The following PIK3CG variants were observed in gnomAD, a reference collection of about 807,000 sequenced individuals.
PIK3CG encodes phosphatidylinositol 4,5-bisphosphate 3-kinase catalytic subunit gamma isoform.
PIK3CG carries 55 observed loss-of-function variants against 102.3 expected under a neutral mutation model. The observed-to-expected ratio is 0.54, with a 90% CI of 0.43 to 0.67. The LOEUF is 0.67. Ranked by LOEUF, PIK3CG falls within the 30% of genes least tolerant of loss-of-function variation. The pLI is 0.00. For synonymous variants in PIK3CG, 552 were observed against 540.0 expected, an observed-to-expected ratio of 1.02 and a Z score of -0.31; for missense variants, 1,258 against 1,391.8, an observed-to-expected ratio of 0.90 and a Z score of 1.53.
chr7:106,877,739 A>T lies in PIK3CG; in HGVS notation c.2392-1780A>T, dbSNP rs1790799666. On this transcript the variant is annotated intron_variant, in intron 5 of 10. Coordinates refer to ENST00000496166, the MANE Select transcript of PIK3CG (RefSeq NM_001282426.2). The surrounding 1 kb of genome is among the most constrained non-coding windows in gnomAD (Gnocchi z 4.5). Reference sequence around the variant, plus strand: ...TCTCTGTTCTGTTCCACTGATCTAAATGTCTGTCCTTACATCAATACCACA... The same window carrying T: ...TCTCTGTTCTGTTCCACTGATCTAATTGTCTGTCCTTACATCAATACCACA... 6.6e-6 allele frequency among the ~76,000 whole-genome samples: 1 copy of T among 152,156 alleles called. No individual in the cohort carries two copies. Among genetic ancestry groups the T allele is most frequent in the African/African-American group, 2.4e-5 (1 of 41,430 alleles).
intron 10 of PIK3CG, among the ~76,000 whole-genome samples, chr7:106,887,662 T>C (rs1377856983): frequency 6.6e-6 from 1 of 152,174 alleles, no homozygotes; most frequent in Admixed American, 6.5e-5. Flanking sequence ...AGTTTCAGGC[T>C]ATTTCCAGGG....
At position 106,886,203 on chromosome 7, in the gene PIK3CG, G is replaced by T. The variant is rs746505564; in HGVS notation, c.2941G>T (p.Glu981Ter). ...NYKSFLGINK[E>*]RVPFVLTPDF... is the part of the protein sequence containing the mutation. ...CAAAAGTTTCCTGGGCATTAATAAA[G>T]AGAGAGTGCCATTTGTGCTAACCCC... The change falls in exon 10 of 11, where the codon GAG (glutamate) becomes TAG (stop). Residue 981 changes from glutamate to a stop codon, truncating the protein, a stop_gained. Transcript: ENST00000496166. LOFTEE classifies it high-confidence loss of function. 6.2e-7 allele frequency: 1 copy of T among 1,613,960 alleles called. No individual in the cohort carries two copies. Among genetic ancestry groups the T allele is most frequent in the East Asian group, 2.2e-5 (1 of 44,892 alleles).
At chr7:106,866,550 T>C (rs1417232960) in intron 1 of PIK3CG, among the ~76,000 whole-genome samples, 2 of 152,228 alleles carry the variant, frequency 1.3e-5, no homozygotes. Flanking sequence ...AGAAGGTCAC[T>C]GGAGTCCAGA....
At position 106,891,959 on chromosome 7, in the gene PIK3CG, C is replaced by T. The variant is rs1791276314; in HGVS notation, c.3030+5667C>T. On this transcript the variant is annotated intron_variant, in intron 10 of 10. Coordinates refer to ENST00000496166, the MANE Select transcript of PIK3CG (RefSeq NM_001282426.2). The surrounding 1 kb of genome is among the most constrained non-coding windows in gnomAD (Gnocchi z 4.4). Reference sequence around the variant, plus strand: ...TCCTGACTCAGGAGGTTTTTAAGAACCTTTATTCAACCAGAGTCCATCTCT... The same window carrying T: ...TCCTGACTCAGGAGGTTTTTAAGAATCTTTATTCAACCAGAGTCCATCTCT... 6.6e-6 allele frequency among the ~76,000 whole-genome samples: 1 copy of T among 151,992 alleles called. No homozygotes were observed. Among genetic ancestry groups the T allele is most frequent in the Non-Finnish European group, 1.5e-5 (1 of 68,012 alleles).
Position 106,869,690 on chromosome 7 carries a change from A to T in PIK3CG, c.1995+134A>T. 2.7e-6 allele frequency: 2 copies of T among 731,238 alleles called. No homozygotes were observed. Among genetic ancestry groups the T allele is most frequent in the South Asian group, 3.9e-5 (2 of 50,836 alleles). 45.3% of individuals were successfully genotyped at this position (731,238 alleles called of 1,614,324 possible). A position where few individuals can be genotyped will look rare whatever the true frequency, so the allele number is the denominator to read the frequency against. On this transcript the variant is annotated intron_variant, in intron 2 of 10. Coordinates refer to ENST00000496166, the MANE Select transcript of PIK3CG (RefSeq NM_001282426.2). The surrounding 1 kb of genome is among the most constrained non-coding windows in gnomAD (Gnocchi z 5.3). ...TCATCGGCAAAAGTAGATATGATGA[A>T]GCTGCCTCAAAAAGTAGTAAACTGT... is the stretch of plus-strand genomic sequence containing the variant.
intron 5 of PIK3CG, among the ~76,000 whole-genome samples, chr7:106,876,388 G>A (rs1040669514): frequency 1.3e-4 from 18 of 140,548 alleles, no homozygotes; most frequent in African/African-American, 4.5e-4. Context: ...TTTTAGGTGG[G>A]TTGCCTTCTT....
At position 106,883,277 on chromosome 7, in the gene PIK3CG, G is replaced by T; in HGVS notation, c.2760+114G>T. 9.0e-7 allele frequency: 1 copy of T among 1,114,354 alleles called. No homozygotes were observed. Among genetic ancestry groups the T allele is most frequent in the South Asian group, 1.4e-5 (1 of 69,522 alleles). 69.0% of individuals were successfully genotyped at this position (1,114,354 alleles called of 1,614,324 possible). ...CAGTGTCTTGCCTCCTGACATATTA[G>T]TGAAGTTTTTTACTTGTGAAATAAT... is the stretch of plus-strand genomic sequence containing the variant. On this transcript the variant is annotated intron_variant, in intron 8 of 10. Coordinates refer to ENST00000496166, the MANE Select transcript of PIK3CG (RefSeq NM_001282426.2). The surrounding 1 kb of genome is among the most constrained non-coding windows in gnomAD (Gnocchi z 5.8).
In PIK3CG at chr7:106,893,240, A is replaced by C. The variant is rs1791312199; in HGVS notation, c.3030+6948A>C. ...GGCCAGGCTCAGGCTCCCCTGTCTC[A>C]GTGTGAAGACTTTCAGTACTCACTA... is the stretch of plus-strand genomic sequence containing the variant. On this transcript the variant is annotated intron_variant, in intron 10 of 10. Coordinates refer to ENST00000496166, the MANE Select transcript of PIK3CG (RefSeq NM_001282426.2). The surrounding 1 kb of genome is among the most constrained non-coding windows in gnomAD (Gnocchi z 4.4). Among the ~76,000 whole-genome samples, 3 of 152,176 alleles carry C rather than the reference A, an allele frequency of 2.0e-5. No homozygotes were observed. The South Asian group carries it at 6.2e-4, about 31-fold the overall frequency.
chr7:106,867,834 G>A lies in PIK3CG; in HGVS notation c.273G>A (p.Leu91=), dbSNP rs1042926689. The change falls in exon 2 of 11, where the codon CTG becomes CTA. Residue 91 remains leucine, a synonymous_variant. Transcript: ENST00000496166. The surrounding 1 kb of genome is among the most constrained non-coding windows in gnomAD (Gnocchi z 5.1). ...TGGCGGCGGACTTCTACCACCGGCT[G>A]GGACCGCATCACTTCCTCCTGCTCT... is the stretch of plus-strand genomic sequence containing the variant. ...TSVAADFYHR[L]GPHHFLLLYQ... 1 of 1,612,450 alleles carries A rather than the reference G, an allele frequency of 6.2e-7. No homozygotes were observed. The highest frequency in any genetic ancestry group is 1.3e-5 in the African/African-American group (1 of 74,930).
At position 106,897,406 on chromosome 7, in the gene PIK3CG, G is replaced by A. The variant is rs890966232; in HGVS notation, c.3031-7703G>A. On this transcript the variant is annotated intron_variant, in intron 10 of 10. Coordinates refer to ENST00000496166, the MANE Select transcript of PIK3CG (RefSeq NM_001282426.2). This position sits in a 1 kb window ranked among gnomAD's most constrained non-coding sequence, Gnocchi z 4.6. ...CCCTTTCTTTTATTTTTGGCTGGGG[G>A]TACATGTGAAAGTTTGTTACATAGG... Among the ~76,000 whole-genome samples the A allele has an allele frequency of 2.6e-5, 4 of 152,254 alleles. No individual in the cohort carries two copies. The East Asian group carries it at 7.7e-4, about 29-fold the overall frequency.
Position 106,874,796 on chromosome 7 carries a change from C to T in PIK3CG, c.2384C>T (p.Ala795Val), listed in dbSNP as rs143259740. 176 of 1,608,180 alleles carry T rather than the reference C, an allele frequency of 1.1e-4. No individual in the cohort carries two copies. In the African/African-American group the frequency reaches 1.7e-3, roughly 16 times the overall value. The change falls in exon 5 of 11, where the codon GCG (alanine) becomes GTG (valine). Residue 795 changes from alanine to valine, a missense_variant. Around this residue, in one of 2 missense-constraint regions of PIK3CG, gnomAD observed 426 missense variants for 604.2 expected, o/e 0.71. Coordinates refer to ENST00000496166, the MANE Select transcript of PIK3CG (RefSeq NM_001282426.2). This position sits in a 1 kb window ranked among gnomAD's most constrained non-coding sequence, Gnocchi z 4.3. ...TATGATCCTGGACTGAAAGCAGGAG[C>T]GCTGGCAGTAGGTATCACTTGGATG... ...VPYDPGLKAG[A>V]LAIEKCKVMA... is the part of the protein sequence containing the mutation.
intron 10 of PIK3CG, among the ~76,000 whole-genome samples, chr7:106,887,933 C>CTTTTTTT (rs71156344): frequency 3.3e-5 from 2 of 60,602 alleles, no homozygotes; most frequent in African/African-American, 6.9e-5. Flanking sequence ...GACGACTCTC[C>CTTTTTTT]TTTTTTTTTT....
rs1242588889 is a variant in PIK3CG, at chr7:106,891,818, C to G, written c.3030+5526C>G. 6.6e-6 allele frequency among the ~76,000 whole-genome samples: 1 copy of G among 151,906 alleles called. No homozygotes were observed. Among genetic ancestry groups the G allele is most frequent in the African/African-American group, 2.4e-5 (1 of 41,358 alleles). On this transcript the variant is annotated intron_variant, in intron 10 of 10. Transcript: ENST00000496166. This position sits in a 1 kb window ranked among gnomAD's most constrained non-coding sequence, Gnocchi z 4.4. ...AATCTAGGATGACTGTGGAAATTTT[C>G]TTGCCAGTTTTATCAGGCCCACCCT... is the stretch of plus-strand genomic sequence containing the variant.
chr7:106,903,411 A>T lies in PIK3CG; in HGVS notation c.3031-1698A>T, dbSNP rs1791608968. Among the ~76,000 whole-genome samples, 1 of 151,994 alleles carries T rather than the reference A, an allele frequency of 6.6e-6. No homozygotes were observed. The highest frequency in any genetic ancestry group is 1.5e-5 in the Non-Finnish European group (1 of 67,970). On this transcript the variant is annotated intron_variant, in intron 10 of 10. Transcript: ENST00000496166. The surrounding 1 kb of genome is among the most constrained non-coding windows in gnomAD (Gnocchi z 4.3). ...ATCATTATAAGCAGTCTTGTCACTG[A>T]GGGATGTTCAAAAACTGACTCATTG...
chr7:106,868,059 C>T lies in PIK3CG; in HGVS notation c.498C>T (p.Ser166=), dbSNP rs372189490. The change falls in exon 2 of 11, where the codon AGC becomes AGT. Residue 166 remains serine (S), a synonymous_variant. Coordinates refer to ENST00000496166, the MANE Select transcript of PIK3CG (RefSeq NM_001282426.2). This position sits in a 1 kb window ranked among gnomAD's most constrained non-coding sequence, Gnocchi z 6.2. ...ALIGYDVTDV[S]NVHDDELEFT... is the part of the protein sequence containing the mutation. ...TTGGCTATGACGTCACTGACGTCAG[C>T]AACGTGCACGACGATGAGCTGGAGT... The T allele has an allele frequency of 3.7e-6, 6 of 1,612,818 alleles. No individual in the cohort carries two copies. Among genetic ancestry groups the T allele is most frequent in the African/African-American group, 1.3e-5 (1 of 75,042 alleles).
intron 10 of PIK3CG, among the ~76,000 whole-genome samples, chr7:106,901,373 G>C (rs1408616422): frequency 6.6e-6 from 1 of 151,682 alleles, no homozygotes; most frequent in East Asian, 1.9e-4. Context: ...TGATTAAATT[G>C]TGAAATTCTT....
intron 4 of PIK3CG, among the ~76,000 whole-genome samples, chr7:106,873,880 A>G (rs1404598188): frequency 6.6e-6 from 1 of 152,154 alleles, no homozygotes; most frequent in African/African-American, 2.4e-5. Flanking sequence ...TTTGATTGAT[A>G]CTACATTAAA....
Position 106,902,977 on chromosome 7 carries a change from T to C in PIK3CG, c.3031-2132T>C, listed in dbSNP as rs1791600070. Among the ~76,000 whole-genome samples the C allele has an allele frequency of 6.6e-6, 1 of 152,196 alleles. No individual in the cohort carries two copies. The highest frequency in any genetic ancestry group is 2.4e-5 in the African/African-American group (1 of 41,454). ...ATTCATCTGGAATTTATTTTTGGTATATCACATGGAGTAGAATTTTATTTT... is the reference window on the plus strand; with the variant it reads ...ATTCATCTGGAATTTATTTTTGGTACATCACATGGAGTAGAATTTTATTTT... On this transcript the variant is annotated intron_variant, in intron 10 of 10. Transcript: ENST00000496166. The surrounding 1 kb of genome is among the most constrained non-coding windows in gnomAD (Gnocchi z 4.3).
rs17847829 is a variant in PIK3CG at position 106,883,933 on chromosome 7, T to C, written c.2761-222T>C. Among the ~76,000 whole-genome samples the C allele has an allele frequency of 2.4e-3, 361 of 152,324 alleles. 6 individuals are homozygous for C. In the East Asian group the frequency reaches 0.058, roughly 24 times the overall value. On this transcript the variant is annotated intron_variant, in intron 8 of 10. Transcript: ENST00000496166. This position sits in a 1 kb window ranked among gnomAD's most constrained non-coding sequence, Gnocchi z 5.8. The stretch of plus-strand genomic sequence containing the variant: ...AATTACTGTTGCCCTTTGACTCTTG[T>C]TTCTTCCTCATGCCATTGTGATTCA...
Sources: allele counts gnomAD v4.1 joint callset (sites outside exome capture counted in the v4.1 genomes callset), GRCh38; gene constraint gnomAD v4.1.1; regional missense constraint gnomAD v4.1.1; non-coding constraint Gnocchi (gnomAD v3.1); transcripts MANE v1.5; gene names NCBI Gene and HGNC (gene_info 2026-07-23, HGNC 2026-07-21).